LRP1B: variants seen among roughly 807,000 people sequenced by gnomAD.
LRP1B encodes low-density lipoprotein receptor-related protein 1B.
A neutral mutation model predicts 556.6 loss-of-function variants in LRP1B; 217 were observed. The observed-to-expected ratio is 0.39, with a 90% CI of 0.35 to 0.44. LRP1B has a LOEUF of 0.44. LRP1B is among the 20% of genes least tolerant of loss of function. LRP1B has a pLI of 1.00. For synonymous variants in LRP1B, 2,047 were observed against 1,865.8 expected (o/e 1.10, Z -2.50); for missense variants, 5,053 against 5,620.8 (o/e 0.90, Z 3.23).
chr2:140,449,808 C>T (rs1395787485), intron 63 of LRP1B, among the ~76,000 whole-genome samples: 7 of 152,126 alleles, frequency 4.6e-5, no homozygotes, highest in Non-Finnish European at 8.8e-5. Flanking sequence ...ACTCAATTGT[C>T]AAGGCCAAAT....
intron 1 of LRP1B, among the ~76,000 whole-genome samples, chr2:142,066,517 T>G (rs1216542180): frequency 6.6e-6 from 1 of 151,468 alleles, no homozygotes; most frequent in East Asian, 2.0e-4. Flanking sequence ...TGTTCTTAAT[T>G]CCTTATGATT....
At position 140,911,792 on chromosome 2, in the gene LRP1B, T is replaced by TC. The variant is rs375977682; in HGVS notation, c.3320-3716dup. Among the ~76,000 whole-genome samples the TC allele has an allele frequency of 2.9e-3, 441 of 151,892 alleles. 4 individuals carry two copies. The highest frequency in any genetic ancestry group is 0.01 in the African/African-American group (425 of 41,534). ...CAACTTCCTTTTTTTGTTTGTTTTT[T>TC]CCCAGACACATCACCAATCCATGAT... On this transcript the variant is annotated intron_variant, in intron 21 of 90. Coordinates refer to ENST00000389484, the MANE Select transcript of LRP1B (RefSeq NM_018557.3).
chr2:140,715,645 T>C (rs2105460190), intron 37 of LRP1B, among the ~76,000 whole-genome samples: 1 of 152,214 alleles, frequency 6.6e-6, no homozygotes, highest in East Asian at 1.9e-4. Flanking sequence ...AAGAGGGCTA[T>C]CAAATGGCTA....
At chr2:140,727,024 T>C (rs373021874) in intron 35 of LRP1B, among the ~76,000 whole-genome samples, 1 of 152,266 alleles carries the variant, frequency 6.6e-6, no homozygotes, top group East Asian at 1.9e-4. Context: ...TCTAAGACAA[T>C]GCAATAAAAT....
intron 2 of LRP1B, among the ~76,000 whole-genome samples, chr2:141,549,778 T>C (rs1313015701): frequency 1.3e-5 from 2 of 152,066 alleles, no homozygotes; most frequent in South Asian, 4.1e-4. Context: ...AGGTGGATCA[T>C]GAGGTCAAGA....
chr2:141,666,046 T>C (rs1331176824), intron 2 of LRP1B, among the ~76,000 whole-genome samples: 1 of 152,130 alleles, frequency 6.6e-6, no homozygotes, highest in Non-Finnish European at 1.5e-5. Flanking sequence ...GATGGGCTAA[T>C]AGATGCAGCA....
At chr2:141,645,586 C>T (rs926552829) in intron 2 of LRP1B, among the ~76,000 whole-genome samples, 1 of 143,586 alleles carries the variant, frequency 7.0e-6, no homozygotes, top group African/African-American at 2.6e-5. Flanking sequence ...TTTAAAACAA[C>T]TAATCTTTCA....
intron 7 of LRP1B, among the ~76,000 whole-genome samples, chr2:141,150,504 A>G (rs1701894582): frequency 6.6e-6 from 1 of 152,138 alleles, no homozygotes; most frequent in Non-Finnish European, 1.5e-5. Context: ...GCATGTCAGA[A>G]TTGTCTGGAT....
In LRP1B at chr2:140,528,772, T is replaced by C. The variant is rs144751012; in HGVS notation, c.7763-2422A>G. Among the ~76,000 whole-genome samples, 266 of 151,826 alleles carry C rather than the reference T, an allele frequency of 1.8e-3. 3 individuals are homozygous for C. Among genetic ancestry groups the C allele is most frequent in the Admixed American group, 3.9e-3 (60 of 15,200 alleles). The stretch of plus-strand genomic sequence containing the variant: ...TAACAGGCAAGGAAGGAGAATCCTG[T>C]GAGGAAAAAAAAAATCTACAGAAAT... On this transcript the variant is annotated intron_variant, in intron 47 of 90. Transcript: ENST00000389484.
intron 1 of LRP1B, among the ~76,000 whole-genome samples, chr2:141,912,045 C>T (rs953022050): frequency 6.6e-6 from 1 of 152,030 alleles, no homozygotes; most frequent in African/African-American, 2.4e-5. Flanking sequence ...TGTAATGGAC[C>T]GCCATATATT....
chr2:140,799,075 C>A (rs902492687), intron 32 of LRP1B, among the ~76,000 whole-genome samples: 30 of 152,020 alleles, frequency 2.0e-4, no homozygotes, highest in African/African-American at 6.7e-4. Context: ...TTTAAATAAA[C>A]GCATATATAT....
rs1157977240 is a variant in LRP1B, at chr2:140,601,872, C to A, written c.6800-233G>T. Among the ~76,000 whole-genome samples the A allele has an allele frequency of 2.0e-5, 3 of 152,026 alleles. No homozygotes were observed. In the South Asian group the frequency reaches 6.2e-4, roughly 32 times the overall value. On this transcript the variant is annotated intron_variant, in intron 41 of 90. Coordinates refer to ENST00000389484, the MANE Select transcript of LRP1B (RefSeq NM_018557.3). Reference sequence around the variant, plus strand: ...TGTCATTATAGACTTAATCTTCTCACAAATAAAATAAAATTAAATAATTGC... The same window carrying A: ...TGTCATTATAGACTTAATCTTCTCAAAAATAAAATAAAATTAAATAATTGC...
intron 1 of LRP1B, among the ~76,000 whole-genome samples, chr2:141,869,511 G>A (rs1169528774): frequency 2.0e-5 from 3 of 151,930 alleles, no homozygotes; most frequent in Non-Finnish European, 4.4e-5. Context: ...GCATAGATTC[G>A]AACCTAGGAA....
intron 18 of LRP1B, among the ~76,000 whole-genome samples, chr2:140,969,591 G>A (rs1257089168): frequency 3.9e-5 from 6 of 152,104 alleles, no homozygotes; most frequent in Non-Finnish European, 5.9e-5. Context: ...TAATTTGCTC[G>A]TCAGTTGATG....
At chr2:141,945,472 A>G (rs762491156) in intron 1 of LRP1B, among the ~76,000 whole-genome samples, 3 of 151,854 alleles carry the variant, frequency 2.0e-5, no homozygotes, top group Non-Finnish European at 4.4e-5. Flanking sequence ...TTTAATTTTT[A>G]TAGAGTATTA....
intron 3 of LRP1B, among the ~76,000 whole-genome samples, chr2:141,427,333 A>C (rs1680407242): frequency 6.6e-6 from 1 of 152,202 alleles, no homozygotes; most frequent in African/African-American, 2.4e-5. Flanking sequence ...GCAAGTCAGC[A>C]GTTCATTTTA....
intron 2 of LRP1B, among the ~76,000 whole-genome samples, chr2:141,510,980 G>T (rs1384071258): frequency 6.6e-6 from 1 of 151,550 alleles, no homozygotes; most frequent in Non-Finnish European, 1.5e-5. Context: ...GTGGAGAATA[G>T]AGTCTAGTAC....
At chr2:142,127,410 C>CT (rs1247124364) in intron 1 of LRP1B, among the ~76,000 whole-genome samples, 57 of 149,220 alleles carry the variant, frequency 3.8e-4, no homozygotes, top group Non-Finnish European at 7.5e-5. Flanking sequence ...ATCCATTCAT[C>CT]TTTTTCCTAA....
chr2:140,371,619 T>G (rs1683002088), intron 69 of LRP1B, among the ~76,000 whole-genome samples: 1 of 151,708 alleles, frequency 6.6e-6, no homozygotes, highest in South Asian at 2.1e-4. Context: ...TGAGTTTTTT[T>G]TTTTACAATT....
Sources: gnomAD v4.1 joint callset for allele counts (sites outside exome capture counted in the v4.1 genomes callset) on GRCh38, gnomAD v4.1.1 for gene constraint, MANE v1.5 for transcripts, NCBI Gene and HGNC (gene_info 2026-07-23, HGNC 2026-07-21) for gene names.